Variants in SIPA1L1 observed in about 807,000 individuals in gnomAD.
The protein encoded by SIPA1L1 is signal induced proliferation associated 1 like 1.
Under a neutral mutation model 162.7 loss-of-function variants are expected in SIPA1L1, and 26 were observed. The ratio of observed to expected loss-of-function variants is 0.16; its 90% CI spans 0.12 to 0.22. The LOEUF is 0.22. Among genes scored for constraint, SIPA1L1 ranks in the 10% least tolerant of loss-of-function variants. The pLI is 1.00. For synonymous variants in SIPA1L1, 829 were observed against 837.4 expected, an observed-to-expected ratio of 0.99 and a Z score of 0.17; for missense variants, 1,874 against 2,241.0, an observed-to-expected ratio of 0.84 and a Z score of 3.31.
In SIPA1L1 at chr14:71,365,324, A is replaced by G. The variant is rs188202394; in HGVS notation, c.-465+44143A>G. On this transcript the variant is annotated intron_variant, in intron 2 of 23. Transcript: ENST00000381232. ...AGGCATGAGCCACCCTGCTGGGCCT[A>G]GAACATCTTGAATTACTTGCCTACC... Among the ~76,000 whole-genome samples the G allele has an allele frequency of 3.3e-5, 5 of 152,216 alleles. No homozygotes were observed. The East Asian group carries it at 7.7e-4, about 24-fold the overall frequency.
intron 2 of SIPA1L1, among the ~76,000 whole-genome samples, chr14:71,461,005 G>C (rs867360983): frequency 6.6e-6 from 1 of 152,216 alleles, no homozygotes; most frequent in Non-Finnish European, 1.5e-5. Flanking sequence ...TTTGTTAGCT[G>C]TAAAGTTAGT....
chr14:71,660,698 G>A (rs2043436934), intron 9 of SIPA1L1, among the ~76,000 whole-genome samples: 1 of 152,172 alleles, frequency 6.6e-6, no homozygotes, highest in South Asian at 2.1e-4. Flanking sequence ...GGGTGCCTGA[G>A]TTTGAAAGCC....
intron 17 of SIPA1L1, among the ~76,000 whole-genome samples, chr14:71,721,534 C>G (rs1023110516): frequency 7.2e-5 from 11 of 152,216 alleles, no homozygotes; most frequent in African/African-American, 2.4e-4. Context: ...GCAGCAGACT[C>G]TCTTCTGGCC....
intron 3 of SIPA1L1, among the ~76,000 whole-genome samples, chr14:71,519,289 AACCT>A (rs2052060561): frequency 6.6e-6 from 1 of 152,138 alleles, no homozygotes; most frequent in Non-Finnish European, 1.5e-5. Context: ...ACAGAGTGAG[AACCT>A]GCCTCAAACA....
chr14:71,729,151 T>C (rs577535572), intron 19 of SIPA1L1, among the ~76,000 whole-genome samples: 193 of 152,280 alleles, frequency 1.3e-3, no homozygotes, highest in African/African-American at 4.2e-3. Context: ...TTCTCCTGTC[T>C]CAGCCTCCTG....
At chr14:71,548,179 A>T (rs1028913697) in intron 4 of SIPA1L1, among the ~76,000 whole-genome samples, 3 of 152,236 alleles carry the variant, frequency 2.0e-5, no homozygotes, top group African/African-American at 7.2e-5. Flanking sequence ...AATTTTTTTC[A>T]AATTGAATTA....
intron 4 of SIPA1L1, among the ~76,000 whole-genome samples, chr14:71,583,547 C>T (rs1459022525): frequency 6.6e-6 from 1 of 152,060 alleles, no homozygotes; most frequent in Non-Finnish European, 1.5e-5. Flanking sequence ...TAGTGTTCCC[C>T]CAACCCCACC....
intron 2 of SIPA1L1, among the ~76,000 whole-genome samples, chr14:71,425,353 T>A (rs949849228): frequency 3.9e-5 from 6 of 152,132 alleles, no homozygotes; most frequent in African/African-American, 1.4e-4. Flanking sequence ...CATTTATAGC[T>A]GTGAATTTTC....
chr14:71,729,414 T>A (rs1296317739), intron 19 of SIPA1L1, among the ~76,000 whole-genome samples: 1 of 152,184 alleles, frequency 6.6e-6, no homozygotes, highest in Non-Finnish European at 1.5e-5. Context: ...TTTATCTACC[T>A]CGATAGGTTC....
intron 3 of SIPA1L1, among the ~76,000 whole-genome samples, chr14:71,518,694 A>C (rs2051991904): frequency 6.6e-6 from 1 of 152,032 alleles, no homozygotes. Flanking sequence ...TAATCCCAGC[A>C]CTTTGGGAGG....
chr14:71,673,505 G>A (rs896441826), intron 12 of SIPA1L1, among the ~76,000 whole-genome samples: 6 of 152,078 alleles, frequency 3.9e-5, no homozygotes, highest in Non-Finnish European at 8.8e-5. Flanking sequence ...AGCTCTCATG[G>A]ATTTGTGAAT....
At chr14:71,594,382 A>G (rs964074038) in intron 5 of SIPA1L1, among the ~76,000 whole-genome samples, 18 of 152,218 alleles carry the variant, frequency 1.2e-4, no homozygotes, top group African/African-American at 4.1e-4. Flanking sequence ...GAATATGATT[A>G]GCTAAATATA....
intron 12 of SIPA1L1, among the ~76,000 whole-genome samples, chr14:71,684,171 G>A (rs923297209): frequency 6.6e-6 from 1 of 152,188 alleles, no homozygotes; most frequent in African/African-American, 2.4e-5. Context: ...GGCAGCAGAC[G>A]CCATTGCTCC....
chr14:71,354,784 A>G (rs917905376), intron 2 of SIPA1L1, among the ~76,000 whole-genome samples: 4 of 152,228 alleles, frequency 2.6e-5, no homozygotes, highest in African/African-American at 4.8e-5. Context: ...TTCTTAGGGA[A>G]GAATATAGTT....
chr14:71,693,394 G>A (rs1254770030), intron 13 of SIPA1L1, among the ~76,000 whole-genome samples: 2 of 152,140 alleles, frequency 1.3e-5, no homozygotes, highest in African/African-American at 2.4e-5. Flanking sequence ...AGCTACACGG[G>A]AGGGTGAGGC....
At chr14:71,538,477 G>A (rs1291307180) in intron 4 of SIPA1L1, among the ~76,000 whole-genome samples, 2 of 152,140 alleles carry the variant, frequency 1.3e-5, no homozygotes, top group Non-Finnish European at 2.9e-5. Flanking sequence ...GTGTAGTCTG[G>A]CAGATTGGGA....
At chr14:71,359,862 G>C (rs763643726) in intron 2 of SIPA1L1, among the ~76,000 whole-genome samples, 1 of 152,182 alleles carries the variant, frequency 6.6e-6, no homozygotes, top group Non-Finnish European at 1.5e-5. Flanking sequence ...AAAATCGAGA[G>C]TACTAAATGA....
chr14:71,572,420 C>G (rs1040437351), intron 4 of SIPA1L1, among the ~76,000 whole-genome samples: 1 of 152,182 alleles, frequency 6.6e-6, no homozygotes, highest in African/African-American at 2.4e-5. Context: ...AAAGCTTTTA[C>G]CACCCATGCA....
At chr14:71,382,312 G>T (rs570503955) in intron 2 of SIPA1L1, among the ~76,000 whole-genome samples, 24 of 152,134 alleles carry the variant, frequency 1.6e-4, no homozygotes, top group Non-Finnish European at 2.9e-4. Context: ...TGTTTGGGGT[G>T]GTTCTAGACT....
Sources: gnomAD v4.1 joint callset for allele counts (sites outside exome capture counted in the v4.1 genomes callset) on GRCh38, gnomAD v4.1.1 for gene constraint, MANE v1.5 for transcripts, NCBI Gene and HGNC (gene_info 2026-07-23, HGNC 2026-07-21) for gene names.